OTUD7A: variants seen among roughly 807,000 people sequenced by gnomAD.
OTUD7A encodes the protein OTU domain-containing protein 7A.
In OTUD7A, 12 loss-of-function variants were observed where a neutral mutation model predicts 65.7. That is an observed-to-expected ratio of 0.18 (90% CI 0.12 to 0.30). The LOEUF (loss-of-function observed/expected upper bound fraction) is 0.30, where lower values mean the gene tolerates loss of function less well. Among genes scored for constraint, OTUD7A ranks in the 10% least tolerant of loss-of-function variants. The pLI is 1.00. For missense variants in OTUD7A, 1,148 were observed against 1,304.8 expected (o/e 0.88, Z 1.85); for synonymous variants, 641 against 586.3 (o/e 1.09, Z -1.35).
At chr15:31,740,534 G>A (rs1053222378) in intron 1 of OTUD7A, among the ~76,000 whole-genome samples, 6 of 152,100 alleles carry the variant, frequency 3.9e-5, no homozygotes, top group South Asian at 2.1e-4. Context: ...TGGCGAGGAC[G>A]GCTGCCGTGG....
chr15:31,595,361 AC>A (rs542804946), intron 3 of OTUD7A, among the ~76,000 whole-genome samples: 9 of 152,118 alleles, frequency 5.9e-5, no homozygotes, highest in Non-Finnish European at 1.2e-4. Flanking sequence ...TTACACAATT[AC>A]CTCCAGTTCC....
chr15:31,860,677 G>GTATATATATATGTATGTA (rs1897708239), intron 1 of OTUD7A, among the ~76,000 whole-genome samples: 1 of 73,284 alleles, frequency 1.4e-5, no homozygotes, highest in African/African-American at 4.6e-5. Flanking sequence ...ATGTATGTGT[G>GTATATATATATGTATGTA]TATATATATA....
At chr15:31,828,651 T>C (rs1014757353) in intron 1 of OTUD7A, among the ~76,000 whole-genome samples, 2 of 152,144 alleles carry the variant, frequency 1.3e-5, no homozygotes, top group Non-Finnish European at 2.9e-5. Context: ...TGAAATAAGG[T>C]GAGAGAGTGT....
At chr15:31,525,550 C>T (rs1259880665) in intron 8 of OTUD7A, among the ~76,000 whole-genome samples, 2 of 152,242 alleles carry the variant, frequency 1.3e-5, no homozygotes, top group Admixed American at 1.3e-4. Flanking sequence ...CTGCAGGGCC[C>T]ATGAGCCTGA....
chr15:31,826,953 T>C (rs554056541), intron 1 of OTUD7A, among the ~76,000 whole-genome samples: 1 of 152,350 alleles, frequency 6.6e-6, no homozygotes, highest in South Asian at 2.1e-4. Flanking sequence ...TTATTGTCCA[T>C]ATCACTATCA....
intron 1 of OTUD7A, among the ~76,000 whole-genome samples, chr15:31,854,427 C>T (rs1440924588): frequency 6.6e-6 from 1 of 152,320 alleles, no homozygotes. Flanking sequence ...TCTGGGGGGT[C>T]ATTATTCTGC....
chr15:31,687,577 T>C (rs1322954668), intron 1 of OTUD7A, among the ~76,000 whole-genome samples: 1 of 152,108 alleles, frequency 6.6e-6, no homozygotes, highest in Non-Finnish European at 1.5e-5. Context: ...ACACTGAAGG[T>C]TTGTGAGGAG....
In OTUD7A at chr15:31,487,386, C is replaced by T. The variant is rs2041252841; in HGVS notation, c.1286+66G>A. On this transcript the variant is annotated intron_variant, in intron 11 of 12. Coordinates refer to ENST00000307050, the MANE Select transcript of OTUD7A (RefSeq NM_001382637.1). The surrounding 1 kb of genome is among the most constrained non-coding windows in gnomAD (Gnocchi z 6.0). ...GAGGAGCAGGGGTGGTACATTCCCT[C>T]CCCAGGATGCCCCAGCCATAGCCCT... The T allele has an allele frequency of 6.3e-7, 1 of 1,582,406 alleles. No homozygotes were observed. The highest frequency in any genetic ancestry group is 1.1e-5 in the South Asian group (1 of 88,748).
At chr15:31,551,195 T>C (rs764209887) in intron 5 of OTUD7A, among the ~76,000 whole-genome samples, 2 of 152,180 alleles carry the variant, frequency 1.3e-5, no homozygotes, top group Non-Finnish European at 2.9e-5. Context: ...GCCAGCACTT[T>C]CCAGCCTCCG....
chr15:31,570,266 C>A, intron 3 of OTUD7A, 69 bp from the exon 4 acceptor site: 1 of 1,522,424 alleles, frequency 6.6e-7, no homozygotes, highest in South Asian at 1.2e-5. Flanking sequence ...TAGAGAAGAA[C>A]TGTGACAAGA....
Position 31,522,900 on chromosome 15 carries a change from T to A in OTUD7A, c.893+3449A>T, listed in dbSNP as rs569234252. On this transcript the variant is annotated intron_variant, in intron 8 of 12. Transcript: ENST00000307050. ...AAATGACTCCAGGCCATCATCTGTG[T>A]CAAGGACCAATAGTACAGGGGCTGC... 2.6e-5 allele frequency among the ~76,000 whole-genome samples: 4 copies of A among 152,298 alleles called. No individual in the cohort carries two copies. The South Asian group carries it at 8.3e-4, about 32-fold the overall frequency.
At chr15:31,822,968 T>C (rs1260409741) in intron 1 of OTUD7A, among the ~76,000 whole-genome samples, 1 of 152,184 alleles carries the variant, frequency 6.6e-6, no homozygotes, top group African/African-American at 2.4e-5. Context: ...ATGTAAAAAC[T>C]ACAGAGAGTA....
intron 1 of OTUD7A, among the ~76,000 whole-genome samples, 160 bp from the exon 2 acceptor site, chr15:31,657,237 C>A (rs1352765597): frequency 6.6e-6 from 1 of 152,224 alleles, no homozygotes; most frequent in South Asian, 2.1e-4. Context: ...CGCTTACCAG[C>A]TGACCAGCAA....
chr15:31,570,765 C>A (rs1355163576), intron 3 of OTUD7A, among the ~76,000 whole-genome samples: 1 of 152,196 alleles, frequency 6.6e-6, no homozygotes, highest in East Asian at 1.9e-4. Context: ...GCAGGTGTGC[C>A]CAGCGTGGGT....
intron 12 of OTUD7A, among the ~76,000 whole-genome samples, chr15:31,486,358 G>A (rs1044908414): frequency 6.6e-6 from 1 of 152,188 alleles, no homozygotes; most frequent in African/African-American, 2.4e-5. Context: ...GGGAGATGAC[G>A]TACAGGCAGA....
At chr15:31,584,526 C>T (rs765979447) in intron 3 of OTUD7A, among the ~76,000 whole-genome samples, 3 of 152,326 alleles carry the variant, frequency 2.0e-5, no homozygotes, top group Middle Eastern at 3.4e-3. Flanking sequence ...CCTGAGCAGA[C>T]AAGTTACAGG....
At chr15:31,866,919 A>G (rs2141023123) in intron 1 of OTUD7A, among the ~76,000 whole-genome samples, 1 of 152,330 alleles carries the variant, frequency 6.6e-6, no homozygotes, top group Admixed American at 6.5e-5. Flanking sequence ...ATGCCCAGTC[A>G]TAGCACTGGG....
intron 10 of OTUD7A, among the ~76,000 whole-genome samples, chr15:31,499,013 G>C (rs886724505): frequency 6.6e-6 from 1 of 152,162 alleles, no homozygotes; most frequent in Non-Finnish European, 1.5e-5. Context: ...ACCTATAAGA[G>C]GGGGCTTCCC....
intron 1 of OTUD7A, among the ~76,000 whole-genome samples, chr15:31,817,580 G>A (rs983932671): frequency 8.5e-5 from 13 of 152,112 alleles, no homozygotes; most frequent in Admixed American, 1.3e-4. Flanking sequence ...TGTGGGCTCC[G>A]AAAGTCAGGA....
Sources: allele counts gnomAD v4.1 joint callset (sites outside exome capture counted in the v4.1 genomes callset), GRCh38; gene constraint gnomAD v4.1.1; non-coding constraint Gnocchi (gnomAD v3.1); transcripts MANE v1.5; gene names NCBI Gene and HGNC (gene_info 2026-07-23, HGNC 2026-07-21).